The following PDE4D variants were observed in gnomAD, a reference collection of about 807,000 sequenced individuals.
The protein encoded by PDE4D is 3',5'-cyclic-AMP phosphodiesterase 4D.
PDE4D carries 24 observed loss-of-function variants against 87.4 expected under a neutral mutation model. The ratio of observed to expected loss-of-function variants is 0.27; its 90% confidence interval spans 0.20 to 0.39. The LOEUF (loss-of-function observed/expected upper bound fraction) is 0.39. PDE4D is among the 10% of genes least tolerant of loss of function. The pLI is 1.00. For missense variants in PDE4D, 714 were observed against 1,041.0 expected, an observed-to-expected ratio of 0.69 and a Z score of 4.32; for synonymous variants, 384 against 383.2, an observed-to-expected ratio of 1.00 and a Z score of -0.02.
At chr5:59,191,896 A>G (rs1025797110) in intron 3 of PDE4D, among the ~76,000 whole-genome samples, 17 of 152,242 alleles carry the variant, frequency 1.1e-4, no homozygotes, top group African/African-American at 3.8e-4. Context: ...TAATCAATTA[A>G]AAACCCTCAG....
At chr5:60,085,527 T>C (rs1397186315) in intron 2 of PDE4D, among the ~76,000 whole-genome samples, 1 of 152,118 alleles carries the variant, frequency 6.6e-6, no homozygotes, top group Non-Finnish European at 1.5e-5. Flanking sequence ...ATATTGATAA[T>C]GGGAGAAAGA....
chr5:59,265,982 TAA>T (rs1762794366), intron 1 of PDE4D, among the ~76,000 whole-genome samples: 1 of 152,092 alleles, frequency 6.6e-6, no homozygotes, highest in Non-Finnish European at 1.5e-5. Context: ...CTATATGACA[TAA>T]GTTTAGGAAT....
At position 59,317,219 on chromosome 5, in the gene PDE4D, G is replaced by A. The variant is rs1344178083; in HGVS notation, c.456-101251C>T. 2.0e-5 allele frequency among the ~76,000 whole-genome samples: 3 copies of A among 152,286 alleles called. No individual in the cohort carries two copies. The East Asian group carries it at 5.8e-4, about 29-fold the overall frequency. On this transcript the variant is annotated intron_variant, in intron 1 of 14. Transcript: ENST00000340635. ...CTTGGTGGGCACCAGTTGGCAAGAAGGGAAAACCCCAGCCAAGGAAAGTTT... is the reference window on the plus strand; with the variant it reads ...CTTGGTGGGCACCAGTTGGCAAGAAAGGAAAACCCCAGCCAAGGAAAGTTT...
intron 1 of PDE4D, among the ~76,000 whole-genome samples, chr5:60,223,901 C>T (rs1000553566): frequency 6.6e-6 from 1 of 152,152 alleles, no homozygotes; most frequent in Non-Finnish European, 1.5e-5. Flanking sequence ...ATCACAGTTT[C>T]TTCTGCCATA....
intron 2 of PDE4D, among the ~76,000 whole-genome samples, chr5:60,105,469 C>G (rs1057298531): frequency 3.3e-5 from 5 of 152,150 alleles, no homozygotes; most frequent in Admixed American, 6.5e-5. Flanking sequence ...CTTCCCCAAT[C>G]TAGCAAGGCA....
At chr5:60,089,324 A>C (rs1774860268) in intron 2 of PDE4D, among the ~76,000 whole-genome samples, 1 of 152,074 alleles carries the variant, frequency 6.6e-6, no homozygotes, top group Non-Finnish European at 1.5e-5. Context: ...CAAAAAAGTC[A>C]AAATCATATC....
chr5:60,206,615 A>G (rs962678655), intron 1 of PDE4D, among the ~76,000 whole-genome samples: 4 of 152,234 alleles, frequency 2.6e-5, no homozygotes, highest in Admixed American at 1.3e-4. Flanking sequence ...TCTTCCAGTG[A>G]CTTTCTGAAA....
intron 1 of PDE4D, among the ~76,000 whole-genome samples, chr5:60,322,338 G>A (rs1395088274): frequency 6.7e-6 from 1 of 150,200 alleles, no homozygotes; most frequent in Non-Finnish European, 1.5e-5. Flanking sequence ...ACAAGTGGGA[G>A]CTAAACATTG....
intron 1 of PDE4D, among the ~76,000 whole-genome samples, chr5:59,792,115 A>T (rs1487766112): frequency 6.6e-6 from 1 of 152,202 alleles, no homozygotes; most frequent in African/African-American, 2.4e-5. Context: ...GGCTCAGAGA[A>T]GAGATAAATC....
At position 60,337,388 on chromosome 5, in the gene PDE4D, T is replaced by TATATATATACACAC. The variant is rs66871903; in HGVS notation, c.-90+150553_-90+150554insGTGTGTATATATAT. 2.8e-3 allele frequency among the ~76,000 whole-genome samples: 248 copies of TATATATATACACAC among 89,258 alleles called. 2 individuals are homozygous for TATATATATACACAC. The highest frequency in any genetic ancestry group is 4.1e-3 in the Non-Finnish European group (188 of 45,722). The allele number at this position is 89,258 out of a possible 152,430, so 58.6% of individuals were successfully genotyped here. A position where few individuals can be genotyped will look rare whatever the true frequency, so the allele number is the denominator to read the frequency against. On this transcript the variant is annotated intron_variant, in intron 1 of 16. Coordinates refer to the PDE4D transcript ENST00000502484. ...ATATATATATATATATATATATATA[T>TATATATATACACAC]ACACACACACACACACACATATATC...
chr5:60,504,044 C>G (rs906774947), intron 1 of PDE4D, among the ~76,000 whole-genome samples: 2 of 152,036 alleles, frequency 1.3e-5, no homozygotes, highest in Non-Finnish European at 2.9e-5. Context: ...GATCATGTAA[C>G]TATTTCCTGA....
At chr5:59,932,755 C>T (rs971487366) in intron 3 of PDE4D, among the ~76,000 whole-genome samples, 1 of 152,172 alleles carries the variant, frequency 6.6e-6, no homozygotes, top group Admixed American at 6.5e-5. Flanking sequence ...CGATTCTACA[C>T]TGGACTTAGA....
chr5:60,428,416 G>A lies in PDE4D; in HGVS notation c.-90+59526C>T, dbSNP rs115518490. ...GAAGAGATAATGAGAAAAAAAAAAA[G>A]TTTGATACCTGGTGTTTAGTGGAAT... On this transcript the variant is annotated intron_variant, in intron 1 of 16. Coordinates refer to the PDE4D transcript ENST00000502484. Among the ~76,000 whole-genome samples, 1,382 of 151,578 alleles carry A rather than the reference G, an allele frequency of 9.1e-3. 16 individuals carry two copies. Among genetic ancestry groups the A allele is most frequent in the African/African-American group, 0.032 (1,297 of 41,146 alleles).
chr5:60,231,379 G>A (rs1362253946), intron 1 of PDE4D, among the ~76,000 whole-genome samples: 1 of 151,894 alleles, frequency 6.6e-6, no homozygotes, highest in Non-Finnish European at 1.5e-5. Context: ...TAAACTTTGT[G>A]GCAAATTATT....
chr5:59,773,412 C>T (rs1477377077), intron 1 of PDE4D, among the ~76,000 whole-genome samples: 1 of 152,110 alleles, frequency 6.6e-6, no homozygotes, highest in Admixed American at 6.5e-5. Context: ...AAACAGTAGA[C>T]ACCTGGGTCC....
At position 60,136,814 on chromosome 5, in the gene PDE4D, A is replaced by G. The variant is rs191287368; in HGVS notation, c.42+48743T>C. Among the ~76,000 whole-genome samples the G allele has an allele frequency of 2.0e-5, 3 of 152,116 alleles. No individual in the cohort carries two copies. In the East Asian group the frequency reaches 5.8e-4, roughly 29 times the overall value. ...ACAAGTTCTTTTCTTCTTACTTTAC[A>G]ACTTTAAGTTCATGGGTACATGTGC... On this transcript the variant is annotated intron_variant, in intron 2 of 16. Coordinates refer to the PDE4D transcript ENST00000502484.
chr5:59,643,477 A>C (rs1031756996), intron 1 of PDE4D, among the ~76,000 whole-genome samples: 3 of 152,230 alleles, frequency 2.0e-5, no homozygotes, highest in African/African-American at 7.2e-5. Context: ...ATATTTGTGT[A>C]CTATCTCAGT....
At chr5:59,725,779 A>C (rs900105042) in intron 1 of PDE4D, among the ~76,000 whole-genome samples, 21 of 152,192 alleles carry the variant, frequency 1.4e-4, no homozygotes, top group Admixed American at 1.2e-3. Context: ...TGAAATCCTA[A>C]GGGCTTTATT....
chr5:59,881,722 C>G (rs1749457535), intron 1 of PDE4D, among the ~76,000 whole-genome samples: 1 of 152,050 alleles, frequency 6.6e-6, no homozygotes, highest in Non-Finnish European at 1.5e-5. Flanking sequence ...TTGACAGAGT[C>G]ATTATTTTCA....
Sources: gnomAD v4.1 joint callset for allele counts (sites outside exome capture counted in the v4.1 genomes callset) on GRCh38, gnomAD v4.1.1 for gene constraint, MANE v1.5 for transcripts, NCBI Gene and HGNC (gene_info 2026-07-23, HGNC 2026-07-21) for gene names.